Variants in ONECUT1 observed in about 807,000 individuals in gnomAD.
ONECUT1 encodes the protein hepatocyte nuclear factor 6.
A neutral mutation model predicts 25.6 loss-of-function variants in ONECUT1; 12 were observed. That is an observed-to-expected ratio of 0.47 (90% CI 0.30 to 0.76). The LOEUF is 0.76. Among genes scored for constraint, ONECUT1 ranks in the 30% least tolerant of loss-of-function variants. The pLI is 0.07. For synonymous variants in ONECUT1, 285 were observed against 270.2 expected, an observed-to-expected ratio of 1.05 and a Z score of -0.54; for missense variants, 620 against 651.2, an observed-to-expected ratio of 0.95 and a Z score of 0.52.
intron 1 of ONECUT1, among the ~76,000 whole-genome samples, chr15:52,773,477 G>A (rs2083780955): frequency 6.6e-6 from 1 of 152,088 alleles, no homozygotes; most frequent in African/African-American, 2.4e-5. Flanking sequence ...ACACATATTT[G>A]TATGTGTGTG....
chr15:52,762,077 A>C (rs1186340217), intron 1 of ONECUT1, among the ~76,000 whole-genome samples: 1 of 152,228 alleles, frequency 6.6e-6, no homozygotes, highest in African/African-American at 2.4e-5. Context: ...CACTCATGGG[A>C]AAGTAAATAA....
chr15:52,773,567 C>T (rs778408513), intron 1 of ONECUT1, among the ~76,000 whole-genome samples: 1 of 152,290 alleles, frequency 6.6e-6, no homozygotes, highest in East Asian at 1.9e-4. Flanking sequence ...GCCATGAGCA[C>T]ACTTAGTGCC....
intron 1 of ONECUT1, among the ~76,000 whole-genome samples, chr15:52,777,749 T>G (rs2083813420): frequency 9.9e-6 from 1 of 100,746 alleles, no homozygotes; most frequent in Non-Finnish European, 1.9e-5. Context: ...AAAAAACATG[T>G]AAAGTTATTT....
rs774125550 is a variant in ONECUT1, at chr15:52,789,209, G to T, written c.676C>A (p.Leu226Ile). The change falls in exon 1 of 2, where the codon CTC becomes ATC. Residue 226 changes from leucine (L) to isoleucine (I), a missense_variant. This residue lies in a region of ONECUT1 where 440 missense variants were observed against 404.9 expected (regional missense o/e 1.09). Transcript: ENST00000305901. The surrounding 1 kb of genome is among the most constrained non-coding windows in gnomAD (Gnocchi z 4.1). ...AGGTGCTGCTCCCCGTGGCGGCCGA[G>T]CATGGCCGGGTGGTGGGCTTCGAAG... ...NGFEAHHPAM[L>I]GRHGEQHLTP... The T allele has an allele frequency of 6.4e-7, 1 of 1,564,452 alleles. No homozygotes were observed. Among genetic ancestry groups the T allele is most frequent in the East Asian group, 2.3e-5 (1 of 44,364 alleles).
chr15:52,789,448 C>T lies in ONECUT1; in HGVS notation c.437G>A (p.Ser146Asn), dbSNP rs764838563. Residue 146 changes from serine to asparagine, a missense_variant, in exon 1 of 2, where the codon AGC becomes AAC. Coordinates refer to ENST00000305901, the MANE Select transcript of ONECUT1 (RefSeq NM_004498.4). The surrounding 1 kb of genome is among the most constrained non-coding windows in gnomAD (Gnocchi z 4.1). ...HHHQRLAGNV[S>N]GSFTLMRDER... ...ATCCCGCATGAGCGTGAAGCTACCG[C>T]TCACGTTGCCCGCCAGGCGCTGGTG... The T allele has an allele frequency of 6.2e-7, 1 of 1,613,806 alleles. No homozygotes were observed. The highest frequency in any genetic ancestry group is 8.5e-7 in the Non-Finnish European group (1 of 1,179,996).
At position 52,757,323 on chromosome 15, in the gene ONECUT1, G is replaced by A. The variant is rs1431637657; in HGVS notation, c.*232C>T. 5.8e-6 allele frequency: 3 copies of A among 521,346 alleles called. No homozygotes were observed. The highest frequency in any genetic ancestry group is 1.0e-5 in the Non-Finnish European group (3 of 298,380). 32.3% of individuals were successfully genotyped at this position (521,346 alleles called of 1,614,324 possible). A position where few individuals can be genotyped will look rare whatever the true frequency, so the allele number is the denominator to read the frequency against. On this transcript the variant is annotated 3_prime_UTR_variant, in exon 2 of 2. Coordinates refer to ENST00000305901, the MANE Select transcript of ONECUT1 (RefSeq NM_004498.4). ...GATTGAAGGTGTGAGATCCAGTGGT[G>A]TTTTCCTGCTCATCATTTGTCTTGC... is the stretch of plus-strand genomic sequence containing the variant.
At chr15:52,787,642 A>AGGGGGGGGGG (rs1250360596) in intron 1 of ONECUT1, 2 of 12,824 alleles carry the variant, frequency 1.6e-4, no homozygotes, top group Non-Finnish European at 3.5e-4. Flanking sequence ...GGGGTGGGGG[A>AGGGGGGGGGG]GTGGGGGGGG....
At position 52,787,474 on chromosome 15, in the gene ONECUT1, A is replaced by C. The variant is rs777362847; in HGVS notation, c.1105+1306T>G. The stretch of plus-strand genomic sequence containing the variant: ...TTGATTTTAGACTGTGAAACGGCTC[A>C]GTGCCCCCGGCTCAGAGCGGATTGA... On this transcript the variant is annotated intron_variant, in intron 1 of 1. Transcript: ENST00000305901. Among the ~76,000 whole-genome samples, 2 of 152,290 alleles carry C rather than the reference A, an allele frequency of 1.3e-5. 1 individual carries two copies. The highest frequency in any genetic ancestry group is 4.1e-4 in the South Asian group (2 of 4,830).
In ONECUT1 at chr15:52,789,993, T is replaced by G. The variant is rs1279775438; in HGVS notation, c.-109A>C. On this transcript the variant is annotated 5_prime_UTR_variant, in exon 1 of 2. Transcript: ENST00000305901. The surrounding 1 kb of genome is among the most constrained non-coding windows in gnomAD (Gnocchi z 4.1). ...CATCGGCTGCTGGCGACTGTTGCCT[T>G]CCTTCCTCTCACTGTGGGGCTCTGT... 7.1e-7 allele frequency: 1 copy of G among 1,400,212 alleles called. No individual in the cohort carries two copies. The allele number at this position is 1,400,212 out of a possible 1,614,324, so 86.7% of individuals were successfully genotyped here. A position where few individuals can be genotyped will look rare whatever the true frequency, so the allele number is the denominator to read the frequency against.
intron 1 of ONECUT1, among the ~76,000 whole-genome samples, chr15:52,766,003 G>C (rs1266437279): frequency 2.0e-5 from 3 of 152,184 alleles, no homozygotes; most frequent in East Asian, 3.8e-4. Flanking sequence ...CAACCTACTG[G>C]ACATGAGCTG....
At chr15:52,761,716 A>G (rs2083707016) in intron 1 of ONECUT1, among the ~76,000 whole-genome samples, 2 of 152,302 alleles carry the variant, frequency 1.3e-5, no homozygotes, top group Non-Finnish European at 2.9e-5. Context: ...AAAATTAGAC[A>G]ATGGCAGAAT....
At chr15:52,782,705 CCATT>C (rs2083849093) in intron 1 of ONECUT1, among the ~76,000 whole-genome samples, 1 of 152,166 alleles carries the variant, frequency 6.6e-6, no homozygotes, top group Non-Finnish European at 1.5e-5. Flanking sequence ...AGGTTGGGGG[CCATT>C]CAATTTTACC....
intron 1 of ONECUT1, chr15:52,780,760 A>G: frequency 7.0e-7 from 1 of 1,436,914 alleles, no homozygotes; most frequent in Non-Finnish European, 9.1e-7. Context: ...AGAAGACAAC[A>G]GGAAAGAAAG....
At chr15:52,768,274 G>A (rs1314882279) in intron 1 of ONECUT1, among the ~76,000 whole-genome samples, 1 of 152,112 alleles carries the variant, frequency 6.6e-6, no homozygotes, top group Non-Finnish European at 1.5e-5. Context: ...ATTACACATT[G>A]TCTGCTTGTA....
chr15:52,769,790 G>A (rs1017741666), intron 1 of ONECUT1, among the ~76,000 whole-genome samples: 3 of 152,186 alleles, frequency 2.0e-5, no homozygotes, highest in African/African-American at 4.8e-5. Flanking sequence ...AGAGGGCAGA[G>A]GTGTACTGTC....
intron 1 of ONECUT1, among the ~76,000 whole-genome samples, chr15:52,781,883 G>A (rs16965168): frequency 3.3e-5 from 5 of 152,142 alleles, no homozygotes; most frequent in East Asian, 1.9e-4. Context: ...TCTATGTTCC[G>A]ATCACAGTAC....
intron 1 of ONECUT1, among the ~76,000 whole-genome samples, chr15:52,774,449 C>G (rs140638996): frequency 1.3e-5 from 2 of 151,966 alleles, no homozygotes; most frequent in Admixed American, 1.3e-4. Context: ...TACAGGCAAG[C>G]GCCACCATGC....
chr15:52,786,387 T>G (rs1041318300), intron 1 of ONECUT1, among the ~76,000 whole-genome samples: 1 of 152,182 alleles, frequency 6.6e-6, no homozygotes, highest in African/African-American at 2.4e-5. Flanking sequence ...AAAAATGTAA[T>G]AGACATGCTT....
At chr15:52,783,849 A>G (rs1012241786) in intron 1 of ONECUT1, among the ~76,000 whole-genome samples, 1 of 152,226 alleles carries the variant, frequency 6.6e-6, no homozygotes, top group African/African-American at 2.4e-5. Context: ...TGTACTTCGG[A>G]AGATGAGAAT....
Sources: allele counts gnomAD v4.1 joint callset (sites outside exome capture counted in the v4.1 genomes callset), GRCh38; gene constraint gnomAD v4.1.1; regional missense constraint gnomAD v4.1.1; non-coding constraint Gnocchi (gnomAD v3.1); transcripts MANE v1.5; gene names NCBI Gene and HGNC (gene_info 2026-07-23, HGNC 2026-07-21).